PCNP: variants seen among roughly 807,000 people sequenced by gnomAD.
PCNP encodes PEST proteolytic signal containing nuclear protein.
In PCNP, 6 loss-of-function variants were observed where a neutral mutation model predicts 21.8. That is an observed-to-expected ratio of 0.28 (90% CI 0.15 to 0.54). The LOEUF is 0.54. Ranked by LOEUF, PCNP falls within the 20% of genes least tolerant of loss-of-function variation. The pLI is 0.95. For missense variants in PCNP, 161 were observed against 215.5 expected (o/e 0.75, Z 1.58); for synonymous variants, 67 against 73.2 (o/e 0.92, Z 0.43).
At chr3:101,592,547 A>G in intron 4 of PCNP, 80 bp from the exon 5 acceptor site, 1 of 1,153,456 alleles carries the variant, frequency 8.7e-7, no homozygotes, top group South Asian at 1.5e-5. Flanking sequence ...TGCTAAACAA[A>G]CATGTATTGA....
intron 1 of PCNP, among the ~76,000 whole-genome samples, chr3:101,578,928 C>T (rs7621068): frequency 0.78 from 119,048 of 152,142 alleles, 47,821 homozygotes; most frequent in Non-Finnish European, 0.88. Context: ...TTCTGTCTTA[C>T]CGCCTGATAT....
intron 1 of PCNP, among the ~76,000 whole-genome samples, chr3:101,579,294 G>T (rs929133211): frequency 2.0e-5 from 3 of 152,044 alleles, no homozygotes; most frequent in African/African-American, 7.2e-5. Flanking sequence ...AAATAACTGG[G>T]CTGTATTAAC....
chr3:101,590,073 T>G (rs1935727792), intron 3 of PCNP, 142 bp from the exon 4 acceptor site: 1 of 641,386 alleles, frequency 1.6e-6, no homozygotes, highest in East Asian at 2.9e-5. Context: ...TTAAGGTAAA[T>G]AACTCACTAA....
intron 1 of PCNP, chr3:101,576,878 G>A (rs1378395844): frequency 1.2e-6 from 2 of 1,605,374 alleles, no homozygotes; most frequent in African/African-American, 1.3e-5. Context: ...GCTATTTTCC[G>A]CTGCCCATCG....
At chr3:101,582,843 T>G (rs1935296824) in intron 2 of PCNP, among the ~76,000 whole-genome samples, 2 of 152,218 alleles carry the variant, frequency 1.3e-5, no homozygotes, top group Admixed American at 6.5e-5. Flanking sequence ...AGCCATATAG[T>G]ACATTGAGAA....
intron 1 of PCNP, chr3:101,579,492 C>A: frequency 1.9e-6 from 1 of 522,018 alleles, no homozygotes; most frequent in Non-Finnish European, 3.7e-6. Context: ...CCACAAATAA[C>A]CAGATTATTG....
chr3:101,587,655 T>C (rs927417163), intron 3 of PCNP, among the ~76,000 whole-genome samples: 3 of 151,052 alleles, frequency 2.0e-5, no homozygotes, highest in Non-Finnish European at 2.9e-5. Context: ...CAGCAGCATG[T>C]AAAAGACCAC....
chr3:101,591,290 A>G (rs957172817), intron 4 of PCNP, among the ~76,000 whole-genome samples: 17 of 152,346 alleles, frequency 1.1e-4, no homozygotes, highest in Admixed American at 3.9e-4. Flanking sequence ...TCAGTAAGAA[A>G]GCTTAATACC....
chr3:101,585,906 C>T (rs981085139), intron 3 of PCNP, among the ~76,000 whole-genome samples: 2 of 152,190 alleles, frequency 1.3e-5, no homozygotes, highest in African/African-American at 4.8e-5. Context: ...CGCGGTGTCT[C>T]ATGCCTGTAA....
intron 2 of PCNP, among the ~76,000 whole-genome samples, chr3:101,583,527 G>A (rs1303679699): frequency 6.6e-6 from 1 of 152,138 alleles, no homozygotes; most frequent in African/African-American, 2.4e-5. Context: ...GAGGTGGGAG[G>A]ATCACTTGAG....
At position 101,593,434 on chromosome 3, in the gene PCNP, A is replaced by G. The variant is rs1423643832; in HGVS notation, c.*681A>G. On this transcript the variant is annotated 3_prime_UTR_variant, in exon 5 of 5. Coordinates refer to ENST00000265260, the MANE Select transcript of PCNP (RefSeq NM_020357.3). Reference sequence around the variant, plus strand: ...AGTCTTCAAAGAAAAACCATTTGCTACCAAAGTAAATCAGTATTTTGAATG... The same window carrying G: ...AGTCTTCAAAGAAAAACCATTTGCTGCCAAAGTAAATCAGTATTTTGAATG... 6.6e-6 allele frequency: 1 copy of G among 152,566 alleles called. No homozygotes were observed. The highest frequency in any genetic ancestry group is 2.4e-5 in the African/African-American group (1 of 41,434). The allele number at this position is 152,566 out of a possible 1,614,324, so 9.5% of individuals were successfully genotyped here.
At chr3:101,580,739 G>A (rs1033197554) in intron 2 of PCNP, among the ~76,000 whole-genome samples, 1 of 152,172 alleles carries the variant, frequency 6.6e-6, no homozygotes, top group African/African-American at 2.4e-5. Flanking sequence ...ACCTCTGGAA[G>A]TGTTTGAAAT....
chr3:101,576,527 G>T, intron 1 of PCNP: 1 of 1,610,432 alleles, frequency 6.2e-7, no homozygotes. Context: ...CGGCCACGGC[G>T]GCCAGTGGTC....
At chr3:101,592,033 A>G (rs1559966182) in intron 4 of PCNP, among the ~76,000 whole-genome samples, 1 of 152,162 alleles carries the variant, frequency 6.6e-6, no homozygotes, top group Non-Finnish European at 1.5e-5. Flanking sequence ...ACTTAGCTGT[A>G]TATCAGAATT....
At chr3:101,587,299 C>G (rs372970332) in intron 3 of PCNP, among the ~76,000 whole-genome samples, 2 of 151,568 alleles carry the variant, frequency 1.3e-5, no homozygotes, top group Non-Finnish European at 2.9e-5. Context: ...ATTTTCAGGT[C>G]ACAAGCAGTA....
chr3:101,578,262 T>G (rs1425216159), intron 1 of PCNP, among the ~76,000 whole-genome samples: 1 of 152,224 alleles, frequency 6.6e-6, no homozygotes, highest in Non-Finnish European at 1.5e-5. Flanking sequence ...CATACTTGAT[T>G]AGAGCTACAA....
At chr3:101,585,245 A>G (rs1207473087) in intron 2 of PCNP, among the ~76,000 whole-genome samples, 192 bp from the exon 3 acceptor site, 1 of 152,260 alleles carries the variant, frequency 6.6e-6, no homozygotes, top group Non-Finnish European at 1.5e-5. Flanking sequence ...AAGTTAGTAA[A>G]GTAAAACATA....
intron 4 of PCNP, among the ~76,000 whole-genome samples, chr3:101,590,998 C>CA (rs1366190552): frequency 6.6e-6 from 1 of 151,828 alleles, no homozygotes; most frequent in African/African-American, 2.4e-5. Context: ...AGGCTGGTCT[C>CA]AAACTCCTGG....
At position 101,585,528 on chromosome 3, in the gene PCNP, TTTTG is replaced by T. The variant is rs1576616505; in HGVS notation, c.354+21_354+24del. The T allele has an allele frequency of 6.4e-7, 1 of 1,559,408 alleles. No homozygotes were observed. The highest frequency in any genetic ancestry group is 2.3e-5 in the East Asian group (1 of 44,424). On this transcript the variant is annotated intron_variant, in intron 3 of 4. Coordinates refer to ENST00000265260, the MANE Select transcript of PCNP (RefSeq NM_020357.3). Reference sequence around the variant, plus strand: ...GATGAAGATGTAAGTTGATATCGAGTTTTGTTTTTTTACTTTAACCAGTTATTTA... The same window carrying T: ...GATGAAGATGTAAGTTGATATCGAGTTTTTTTTACTTTAACCAGTTATTTA...
Sources: allele counts gnomAD v4.1 joint callset (sites outside exome capture counted in the v4.1 genomes callset), GRCh38; gene constraint gnomAD v4.1.1; transcripts MANE v1.5; gene names NCBI Gene and HGNC (gene_info 2026-07-23, HGNC 2026-07-21).